Variants in NKAIN2 observed in about 807,000 individuals in gnomAD.
The protein encoded by NKAIN2 is sodium/potassium-transporting ATPase subunit beta-1-interacting protein 2.
A neutral mutation model predicts 32.6 loss-of-function variants in NKAIN2; 14 were observed. The observed-to-expected ratio is 0.43, with a 90% CI of 0.28 to 0.67. The LOEUF (loss-of-function observed/expected upper bound fraction) is 0.67, where lower values mean the gene tolerates loss of function less well. Ranked by LOEUF, NKAIN2 falls within the 30% of genes least tolerant of loss-of-function variation. The probability of loss-of-function intolerance (pLI) is 0.17; values close to 1 mark genes in which losing one functional copy is unlikely to be tolerated. For synonymous variants in NKAIN2, 80 were observed against 87.2 expected (o/e 0.92, Z 0.46); for missense variants, 198 against 258.3 (o/e 0.77, Z 1.60).
At chr6:124,456,052 TTC>T (rs908779593) in intron 3 of NKAIN2, among the ~76,000 whole-genome samples, 1 of 151,856 alleles carries the variant, frequency 6.6e-6, no homozygotes, top group Non-Finnish European at 1.5e-5. Flanking sequence ...ACATTTTTTT[TTC>T]TTTCAGGTAT....
intron 3 of NKAIN2, among the ~76,000 whole-genome samples, chr6:124,466,221 A>C (rs144707253): frequency 6.0e-4 from 91 of 152,204 alleles, no homozygotes; most frequent in Middle Eastern, 3.4e-3. Flanking sequence ...ATAAAAGAGG[A>C]TCACTTATAG....
chr6:124,677,813 A>G (rs527859022), intron 4 of NKAIN2, among the ~76,000 whole-genome samples: 1 of 151,888 alleles, frequency 6.6e-6, no homozygotes, highest in African/African-American at 2.4e-5. Context: ...TGATCTTTCT[A>G]TTTTCATATG....
intron 1 of NKAIN2, among the ~76,000 whole-genome samples, chr6:124,013,564 T>C (rs1780432505): frequency 1.3e-5 from 2 of 152,194 alleles, no homozygotes; most frequent in African/African-American, 2.4e-5. Context: ...ACCATATTTA[T>C]AATAGGCAGT....
chr6:124,330,927 G>A (rs940823638), intron 2 of NKAIN2, among the ~76,000 whole-genome samples: 3 of 152,118 alleles, frequency 2.0e-5, no homozygotes, highest in African/African-American at 4.8e-5. Context: ...GAGAATCTAA[G>A]TAATGGCTGA....
intron 1 of NKAIN2, among the ~76,000 whole-genome samples, chr6:123,851,013 A>C (rs1027244101): frequency 2.0e-5 from 3 of 152,078 alleles, no homozygotes; most frequent in African/African-American, 7.2e-5. Context: ...TTTCGTAAAT[A>C]ATAGGATTTC....
intron 1 of NKAIN2, among the ~76,000 whole-genome samples, chr6:123,876,163 A>G (rs547959257): frequency 7.4e-4 from 113 of 152,246 alleles, no homozygotes; most frequent in Middle Eastern, 3.4e-3. Context: ...GTAATTTGCT[A>G]TAGTCTCAGA....
In NKAIN2 at chr6:124,105,124, C is replaced by A. The variant is rs141039665; in HGVS notation, c.55-177881C>A. ...AGCAGGATGATATAGCCGTGTGTGG[C>A]AACAGGTAAAGTGAACCAGGCAGGT... On this transcript the variant is annotated intron_variant, in intron 1 of 6. Transcript: ENST00000368417. Among the ~76,000 whole-genome samples the A allele has an allele frequency of 1.1e-4, 16 of 152,250 alleles. No individual in the cohort carries two copies. In the East Asian group the frequency reaches 2.3e-3, roughly 22 times the overall value.
chr6:124,708,685 T>C (rs1258630114), intron 4 of NKAIN2, among the ~76,000 whole-genome samples: 1 of 152,102 alleles, frequency 6.6e-6, no homozygotes, highest in Admixed American at 6.5e-5. Flanking sequence ...TGTACATTGA[T>C]TTTGTATCCT....
chr6:123,842,546 C>A (rs544757100), intron 1 of NKAIN2, among the ~76,000 whole-genome samples: 1 of 152,192 alleles, frequency 6.6e-6, no homozygotes, highest in East Asian at 1.9e-4. Context: ...GGAGACACAA[C>A]CATTTAGTCC....
chr6:123,886,839 T>C (rs1313666828), intron 1 of NKAIN2, among the ~76,000 whole-genome samples: 2 of 152,114 alleles, frequency 1.3e-5, no homozygotes, highest in Non-Finnish European at 2.9e-5. Context: ...TGAAGTTGTT[T>C]AGACGCGTTT....
intron 1 of NKAIN2, among the ~76,000 whole-genome samples, chr6:124,046,830 C>A (rs930282828): frequency 4.6e-5 from 7 of 151,808 alleles, no homozygotes; most frequent in African/African-American, 1.7e-4. Context: ...CACCATAGAA[C>A]TGGAGAATGA....
chr6:124,294,001 T>C (rs1047726884), intron 2 of NKAIN2, among the ~76,000 whole-genome samples: 2 of 152,170 alleles, frequency 1.3e-5, no homozygotes, highest in African/African-American at 4.8e-5. Flanking sequence ...AATGTCTTAG[T>C]CTTTTTTGTG....
chr6:124,276,003 G>A (rs1411655184), intron 1 of NKAIN2, among the ~76,000 whole-genome samples: 1 of 151,902 alleles, frequency 6.6e-6, no homozygotes, highest in African/African-American at 2.4e-5. Flanking sequence ...GTCACATAGT[G>A]GTTAGAATTC....
chr6:124,025,639 T>C (rs1781075031), intron 1 of NKAIN2, among the ~76,000 whole-genome samples: 1 of 152,194 alleles, frequency 6.6e-6, no homozygotes, highest in Admixed American at 6.5e-5. Context: ...CTGTAGTTAA[T>C]AATAGTGTAT....
At chr6:124,436,847 A>T (rs1350834057) in intron 3 of NKAIN2, among the ~76,000 whole-genome samples, 1 of 152,138 alleles carries the variant, frequency 6.6e-6, no homozygotes, top group African/African-American at 2.4e-5. Flanking sequence ...CTCAATCAAG[A>T]GGCTTCCATC....
At chr6:124,323,777 A>ATTTTCTTTTTTTTTTTTTT (rs1237658485) in intron 2 of NKAIN2, among the ~76,000 whole-genome samples, 3 of 115,496 alleles carry the variant, frequency 2.6e-5, no homozygotes, top group African/African-American at 7.9e-5. Context: ...AATTCTTTTA[A>ATTTTCTTTTTTTTTTTTTT]TTTTTTCTTT....
intron 5 of NKAIN2, among the ~76,000 whole-genome samples, chr6:124,803,044 C>T (rs967873043): frequency 3.9e-5 from 6 of 152,138 alleles, no homozygotes; most frequent in African/African-American, 1.2e-4. Flanking sequence ...TAACTAAACC[C>T]GACAGCAAAT....
intron 1 of NKAIN2, among the ~76,000 whole-genome samples, chr6:124,100,763 G>A (rs376420756): frequency 6.6e-6 from 1 of 152,082 alleles, no homozygotes; most frequent in Admixed American, 6.5e-5. Context: ...TAGATGTGGG[G>A]CCCCTAGAAT....
chr6:124,694,081 T>C (rs1774379959), intron 4 of NKAIN2, among the ~76,000 whole-genome samples: 1 of 152,224 alleles, frequency 6.6e-6, no homozygotes, highest in Non-Finnish European at 1.5e-5. Context: ...ATTCCAAGTG[T>C]TTAAGGCATT....
Sources: gnomAD v4.1 joint callset for allele counts (sites outside exome capture counted in the v4.1 genomes callset) on GRCh38, gnomAD v4.1.1 for gene constraint, MANE v1.5 for transcripts, NCBI Gene and HGNC (gene_info 2026-07-23, HGNC 2026-07-21) for gene names.